Variants in AGTPBP1 observed in about 807,000 individuals in gnomAD.
AGTPBP1 encodes ATP/GTP binding carboxypeptidase 1.
AGTPBP1 carries 70 observed loss-of-function variants against 143.9 expected under a neutral mutation model. The ratio of observed to expected loss-of-function variants is 0.49; its 90% confidence interval spans 0.40 to 0.59. The LOEUF is 0.59. Among genes scored for constraint, AGTPBP1 ranks in the 20% least tolerant of loss-of-function variants. The pLI is 0.00. For missense variants in AGTPBP1, 1,229 were observed against 1,464.5 expected, an observed-to-expected ratio of 0.84 and a Z score of 2.62; for synonymous variants, 463 against 500.2, an observed-to-expected ratio of 0.93 and a Z score of 0.99.
chr9:85,718,015 T>C (rs962309431), intron 1 of AGTPBP1, among the ~76,000 whole-genome samples: 1 of 152,204 alleles, frequency 6.6e-6, no homozygotes, highest in Non-Finnish European at 1.5e-5. Context: ...AACTCATCAT[T>C]TTTTATGGCT....
intron 8 of AGTPBP1, 48 bp downstream of exon 8, chr9:85,669,437 A>T (rs1408583830): frequency 8.2e-7 from 1 of 1,212,206 alleles, no homozygotes; most frequent in African/African-American, 1.5e-5. Context: ...AATGAGGCCC[A>T]GAGTAACAAA....
chr9:85,574,476 A>G (rs988694007), intron 25 of AGTPBP1, among the ~76,000 whole-genome samples: 3 of 152,146 alleles, frequency 2.0e-5, no homozygotes, highest in Non-Finnish European at 4.4e-5. Flanking sequence ...AAAAAAAAAA[A>G]AAAAAGAATT....
At chr9:85,672,896 G>T (rs939867461) in intron 6 of AGTPBP1, among the ~76,000 whole-genome samples, 4 of 151,716 alleles carry the variant, frequency 2.6e-5, no homozygotes, top group African/African-American at 9.7e-5. Flanking sequence ...CACCACACTG[G>T]GTTAATTTTT....
chr9:85,747,833 T>C, the AGTPBP1 span, among the ~76,000 whole-genome samples: 38 of 152,274 alleles, frequency 2.5e-4, no homozygotes, highest in African/African-American at 8.9e-4. Flanking sequence ...ATAATAATGG[T>C]AATAATAATT....
At chr9:85,617,941 C>G (rs1830688264) in intron 17 of AGTPBP1, among the ~76,000 whole-genome samples, 1 of 152,086 alleles carries the variant, frequency 6.6e-6, no homozygotes. Flanking sequence ...TAAAACTATT[C>G]AAGAAATTAA....
At chr9:85,658,139 C>T (rs917352756) in intron 9 of AGTPBP1, among the ~76,000 whole-genome samples, 10 of 152,012 alleles carry the variant, frequency 6.6e-5, no homozygotes, top group South Asian at 2.1e-4. Flanking sequence ...TGTGTTTCCA[C>T]TAAAATTAAT....
Position 85,724,142 on chromosome 9 carries a change from C to T in AGTPBP1, c.-33-11576G>A, listed in dbSNP as rs536430457. 7.2e-5 allele frequency among the ~76,000 whole-genome samples: 11 copies of T among 151,946 alleles called. No individual in the cohort carries two copies. In the South Asian group the frequency reaches 1.9e-3, roughly 26 times the overall value. On this transcript the variant is annotated intron_variant, in intron 1 of 25. Coordinates refer to ENST00000357081, the MANE Select transcript of AGTPBP1 (RefSeq NM_001330701.2). ...ACTCTACTATAAATACAAAAATTAG[C>T]CGGGTGTGGTGGTGAGTACTTGTAA...
At chr9:85,621,326 C>G (rs1830921041) in intron 14 of AGTPBP1, 41 bp from the exon 15 acceptor site, 1 of 972,970 alleles carries the variant, frequency 1.0e-6, no homozygotes, top group African/African-American at 1.7e-5. Flanking sequence ...TTATTATACA[C>G]TAATGTACAA....
chr9:85,654,635 G>C (rs994253278), intron 11 of AGTPBP1, among the ~76,000 whole-genome samples: 2 of 152,108 alleles, frequency 1.3e-5, no homozygotes, highest in East Asian at 3.9e-4. Flanking sequence ...TTGAGGTCAG[G>C]AGTTTGAGAA....
chr9:85,553,555 T>C (rs575483641), intron 25 of AGTPBP1, among the ~76,000 whole-genome samples: 8 of 152,208 alleles, frequency 5.3e-5, no homozygotes, highest in Non-Finnish European at 5.9e-5. Flanking sequence ...TATGATGGGT[T>C]TATCGGGACA....
At chr9:85,774,890 C>T in the AGTPBP1 span, among the ~76,000 whole-genome samples, 35 of 152,240 alleles carry the variant, frequency 2.3e-4, no homozygotes, top group African/African-American at 8.4e-4. Flanking sequence ...AGATCTCACA[C>T]ATCATTACAT....
Position 85,633,084 on chromosome 9 carries a change from T to C in AGTPBP1, c.1593A>G (p.Val531=), listed in dbSNP as rs371184944. ...SSVHGLNNDI[V]KALDRITLQN... is the part of the protein sequence containing the mutation. ...GCAATGTAATTCGGTCCAAGGCCTT[T>C]ACAATATCATTGTTTAAACCATGGA... Residue 531 remains valine, a synonymous_variant, in exon 14 of 26, where the codon GTA becomes GTG. Coordinates refer to ENST00000357081, the MANE Select transcript of AGTPBP1 (RefSeq NM_001330701.2). 1.2e-5 allele frequency: 19 copies of C among 1,614,210 alleles called. No homozygotes were observed. The African/African-American group carries it at 2.5e-4, about 22-fold the overall frequency.
intron 1 of AGTPBP1, among the ~76,000 whole-genome samples, chr9:85,740,604 A>G (rs79224029): frequency 6.6e-6 from 1 of 152,246 alleles, no homozygotes; most frequent in South Asian, 2.1e-4. Context: ...TACAAAAATA[A>G]CTTTCCGGTT....
intron 1 of AGTPBP1, among the ~76,000 whole-genome samples, chr9:85,739,743 G>C (rs1292892059): frequency 6.7e-6 from 1 of 149,964 alleles, no homozygotes; most frequent in African/African-American, 2.5e-5. Context: ...GCCAAGCTTG[G>C]TGGCTCACGC....
At chr9:85,731,423 T>A (rs1838871180) in intron 1 of AGTPBP1, among the ~76,000 whole-genome samples, 1 of 152,096 alleles carries the variant, frequency 6.6e-6, no homozygotes, top group Admixed American at 6.6e-5. Context: ...AGGGTTTTTT[T>A]TTTCGGGGAG....
intron 2 of AGTPBP1, among the ~76,000 whole-genome samples, chr9:85,708,950 A>C (rs1262624460): frequency 6.6e-6 from 1 of 152,236 alleles, no homozygotes; most frequent in Non-Finnish European, 1.5e-5. Context: ...AAACTCTTCC[A>C]AAAAACTGAA....
At chr9:85,786,517 C>T in the AGTPBP1 span, 2 of 1,613,796 alleles carry the variant, frequency 1.2e-6, no homozygotes, top group Non-Finnish European at 1.7e-6. Context: ...TTGGAGTTGG[C>T]ATTGGATCAA....
At chr9:85,584,620 A>G (rs1242326206) in intron 23 of AGTPBP1, among the ~76,000 whole-genome samples, 13 of 152,190 alleles carry the variant, frequency 8.5e-5, no homozygotes, top group Admixed American at 8.5e-4. Context: ...ATGTGATGCC[A>G]TTCTTACATG....
At chr9:85,707,138 C>T (rs1373028084) in intron 2 of AGTPBP1, among the ~76,000 whole-genome samples, 1 of 152,020 alleles carries the variant, frequency 6.6e-6, no homozygotes, top group Admixed American at 6.5e-5. Flanking sequence ...TAACAAGCTT[C>T]TAAATAACCC....
Sources: gnomAD v4.1 joint callset for allele counts (sites outside exome capture counted in the v4.1 genomes callset) on GRCh38, gnomAD v4.1.1 for gene constraint, MANE v1.5 for transcripts, NCBI Gene and HGNC (gene_info 2026-07-23, HGNC 2026-07-21) for gene names.